Variants in UGT1A4 observed in about 807,000 individuals in gnomAD.
UGT1A4 encodes the protein UDP-glucuronosyltransferase 1A4.
In UGT1A4, 32 loss-of-function variants were observed where a neutral mutation model predicts 41.1. The observed-to-expected ratio is 0.78, with a 90% confidence interval of 0.59 to 1.05. UGT1A4 has a LOEUF of 1.05. Ranked by LOEUF, UGT1A4 falls within the 50% of genes least tolerant of loss-of-function variation. UGT1A4 has a pLI of 0.00. For missense variants in UGT1A4, 748 were observed against 677.4 expected (o/e 1.10, Z -1.16); for synonymous variants, 283 against 265.1 (o/e 1.07, Z -0.66).
chr2:233,772,962 G>T lies in UGT1A4; in HGVS notation c.*403G>T, dbSNP rs1038101651. On this transcript the variant is annotated 3_prime_UTR_variant, in exon 5 of 5. Coordinates refer to ENST00000373409, the MANE Select transcript of UGT1A4 (RefSeq NM_007120.3). ...TTGGCTTCTGCAGATGGTTGCAATT[G>T]ATCCTTAACCAATAATGGTCAGTCC... 6.4e-6 allele frequency: 2 copies of T among 313,106 alleles called. No homozygotes were observed. Among genetic ancestry groups the T allele is most frequent in the Middle Eastern group, 1.1e-3 (1 of 878 alleles). 19.4% of individuals were successfully genotyped at this position (313,106 alleles called of 1,614,324 possible). A position where few individuals can be genotyped will look rare whatever the true frequency, so the allele number is the denominator to read the frequency against.
chr2:233,750,847 G>C (rs534611009), intron 1 of UGT1A4: 1 of 152,014 alleles, frequency 6.6e-6, no homozygotes, highest in African/African-American at 2.4e-5. Flanking sequence ...GGAAATGCTT[G>C]GATGTCCAGG....
intron 1 of UGT1A4, among the ~76,000 whole-genome samples, chr2:233,742,122 G>T (rs1282494456): frequency 6.6e-6 from 1 of 151,802 alleles, no homozygotes; most frequent in African/African-American, 2.4e-5. Flanking sequence ...GCTTGGTCGT[G>T]GAGACCCTAA....
At chr2:233,764,199 A>T (rs1193982268) in intron 1 of UGT1A4, among the ~76,000 whole-genome samples, 1 of 152,170 alleles carries the variant, frequency 6.6e-6, no homozygotes, top group Non-Finnish European at 1.5e-5. Flanking sequence ...GGGGCATCTC[A>T]TCTTTTCTTT....
rs3064744 is a variant in UGT1A4, at chr2:233,760,233, C to CATAT, written c.868-6789_868-6786dup. ...ACTTGGTGTATCGATTGGTTTTTGCCATATATATATATATAAGTAGGAGAG... is the reference window on the plus strand; with the variant it reads ...ACTTGGTGTATCGATTGGTTTTTGCCATATATATATATATATATAAGTAGGAGAG... On this transcript the variant is annotated intron_variant, in intron 1 of 4. Coordinates refer to ENST00000373409, the MANE Select transcript of UGT1A4 (RefSeq NM_007120.3). 3.8e-3 allele frequency: 5,602 copies of CATAT among 1,482,566 alleles called. 51 individuals are homozygous for CATAT. The African/African-American group carries it at 0.05, about 13-fold the overall frequency. The allele number at this position is 1,482,566 out of a possible 1,614,324, so 91.8% of individuals were successfully genotyped here.
intron 1 of UGT1A4, among the ~76,000 whole-genome samples, chr2:233,728,399 G>A (rs913883256): frequency 6.6e-6 from 1 of 152,174 alleles, no homozygotes; most frequent in African/African-American, 2.4e-5. Context: ...TCTTGCCCAT[G>A]TGTGCTTTAG....
chr2:233,724,596 C>T (rs202203863), intron 1 of UGT1A4, among the ~76,000 whole-genome samples: 7 of 113,880 alleles, frequency 6.1e-5, no homozygotes, highest in Non-Finnish European at 1.1e-4. Flanking sequence ...ACATCTCAGA[C>T]GATGGGCGGC....
chr2:233,764,151 G>A (rs1391990112), intron 1 of UGT1A4, among the ~76,000 whole-genome samples: 1 of 152,184 alleles, frequency 6.6e-6, no homozygotes. Flanking sequence ...CATTTTGGCT[G>A]GTGAAGTCTC....
intron 1 of UGT1A4, among the ~76,000 whole-genome samples, chr2:233,765,979 GCTC>G (rs2126021756): frequency 6.6e-6 from 1 of 152,256 alleles, no homozygotes; most frequent in Middle Eastern, 3.4e-3. Flanking sequence ...GATGTTTACA[GCTC>G]CTGAAGCTCC....
chr2:233,760,233 CATAT>C (rs3064744), intron 1 of UGT1A4: 2 of 1,510,040 alleles, frequency 1.3e-6, no homozygotes, highest in African/African-American at 1.4e-5. Context: ...TGGTTTTTGC[CATAT>C]ATATATATAT....
At chr2:233,748,342 C>G (rs117379305) in intron 1 of UGT1A4, among the ~76,000 whole-genome samples, 3 of 151,616 alleles carry the variant, frequency 2.0e-5, no homozygotes, top group African/African-American at 7.3e-5. Context: ...GGAGACTGTT[C>G]GTTTGTAAAG....
intron 1 of UGT1A4, among the ~76,000 whole-genome samples, chr2:233,724,278 G>C (rs1355966734): frequency 3.9e-5 from 5 of 129,306 alleles, no homozygotes; most frequent in East Asian, 2.5e-4. Flanking sequence ...GCGGCTGGCC[G>C]GGCGGGGGGC....
intron 1 of UGT1A4, chr2:233,743,933 G>A (rs1319527828): frequency 7.4e-7 from 1 of 1,357,164 alleles, no homozygotes; most frequent in Non-Finnish European, 9.8e-7. Flanking sequence ...TGGCCAGAAC[G>A]GCCCACCAGG....
chr2:233,732,017 G>A (rs1379016556), intron 1 of UGT1A4, among the ~76,000 whole-genome samples: 2 of 152,178 alleles, frequency 1.3e-5, no homozygotes. Flanking sequence ...GTTTTGATTT[G>A]CATTTCTCTG....
rs181904192 is a variant in UGT1A4, at chr2:233,720,907, C to T, written c.867+1220C>T. On this transcript the variant is annotated intron_variant, in intron 1 of 4. Coordinates refer to ENST00000373409, the MANE Select transcript of UGT1A4 (RefSeq NM_007120.3). ...TTTTTTTTTAGTAGAGATGAGGTTT[C>T]GCAATGTTAGCCAGGCTGGTCTTGA... 7.9e-3 allele frequency among the ~76,000 whole-genome samples: 1,118 copies of T among 140,910 alleles called. 9 individuals carry two copies. Among genetic ancestry groups the T allele is most frequent in the Admixed American group, 0.016 (217 of 13,846 alleles). 92.4% of individuals were successfully genotyped at this position (140,910 alleles called of 152,430 possible).
chr2:233,720,745 G>A (rs12463910), intron 1 of UGT1A4, among the ~76,000 whole-genome samples: 11,915 of 147,388 alleles, frequency 0.081, 607 homozygotes, highest in East Asian at 0.21. Context: ...TCGTTCTGTC[G>A]CCCAGGCTGG....
chr2:233,766,884 A>C, intron 1 of UGT1A4, 150 bp from the exon 2 acceptor site: 4 of 1,457,402 alleles, frequency 2.7e-6, no homozygotes, highest in Non-Finnish European at 3.6e-6. Context: ...ATGCTGTAAA[A>C]CTTACATATT....
chr2:233,753,697 A>G (rs1238167644), intron 1 of UGT1A4: 1 of 152,206 alleles, frequency 6.6e-6, no homozygotes, highest in African/African-American at 2.4e-5. Flanking sequence ...TTACAGATGC[A>G]CTTGGCTTTC....
Position 233,743,419 on chromosome 2 carries a change from G to A in UGT1A4, c.868-23615G>A, listed in dbSNP as rs577178509. The A allele has an allele frequency of 1.8e-5, 24 of 1,337,466 alleles. No individual in the cohort carries two copies. In the East Asian group the frequency reaches 1.2e-3, roughly 65 times the overall value. The allele number at this position is 1,337,466 out of a possible 1,614,324, so 82.8% of individuals were successfully genotyped here. On this transcript the variant is annotated intron_variant, in intron 1 of 4. Transcript: ENST00000373409. ...GGAAGAAAGGCCCCCACTTCCCAGG[G>A]AGCCAAAGGAACGAAATCCTGTATC... is the stretch of plus-strand genomic sequence containing the variant.
At chr2:233,721,043 C>A (rs556501874) in intron 1 of UGT1A4, among the ~76,000 whole-genome samples, 1 of 152,048 alleles carries the variant, frequency 6.6e-6, no homozygotes, top group African/African-American at 2.4e-5. Context: ...AGAATTGAGC[C>A]CTTTTTTGTC....
Sources: gnomAD v4.1 joint callset for allele counts (sites outside exome capture counted in the v4.1 genomes callset) on GRCh38, gnomAD v4.1.1 for gene constraint, MANE v1.5 for transcripts, NCBI Gene and HGNC (gene_info 2026-07-23, HGNC 2026-07-21) for gene names.